The following UBP1 variants were observed in gnomAD, a reference collection of about 807,000 sequenced individuals.
UBP1 encodes upstream binding protein 1, also known as upstream-binding protein 1.
A neutral mutation model predicts 76.1 loss-of-function variants in UBP1; 22 were observed. The observed-to-expected ratio is 0.29, with a 90% confidence interval of 0.21 to 0.41. The LOEUF is 0.41. UBP1 is among the 10% of genes least tolerant of loss of function. UBP1 has a pLI of 1.00. For missense variants in UBP1, 436 were observed against 668.1 expected (o/e 0.65, Z 3.83); for synonymous variants, 224 against 237.1 (o/e 0.94, Z 0.51).
rs557630114 is a variant in UBP1, at chr3:33,407,828, T to C, written c.927+862A>G. 2.6e-5 allele frequency among the ~76,000 whole-genome samples: 4 copies of C among 152,354 alleles called. No individual in the cohort carries two copies. The South Asian group carries it at 6.2e-4, about 24-fold the overall frequency. ...ATACAGCAGTCACGAATACATATGA[T>C]GACAATTATTTTAAATGATTCTTTA... On this transcript the variant is annotated intron_variant, in intron 8 of 15. Coordinates refer to ENST00000283629, the MANE Select transcript of UBP1 (RefSeq NM_014517.5).
intron 3 of UBP1, among the ~76,000 whole-genome samples, chr3:33,413,456 A>G (rs1227255774): frequency 6.6e-6 from 1 of 151,472 alleles, no homozygotes; most frequent in African/African-American, 2.4e-5. Flanking sequence ...CTGAGGCAGA[A>G]GAATGGTGTG....
In UBP1 at chr3:33,431,932, T is replaced by C. The variant is rs530355126; in HGVS notation, c.114-6191A>G. On this transcript the variant is annotated intron_variant, in intron 1 of 15. Coordinates refer to ENST00000283629, the MANE Select transcript of UBP1 (RefSeq NM_014517.5). ...CTACAGAGCAGCAGGAAAGACATAC[T>C]TGACAGCCAAGGTCATGAACCAACC... 3.4e-4 allele frequency among the ~76,000 whole-genome samples: 51 copies of C among 152,234 alleles called. 2 individuals carry two copies. Among genetic ancestry groups the C allele is most frequent in the Admixed American group, 1.8e-3 (28 of 15,280 alleles).
intron 1 of UBP1, among the ~76,000 whole-genome samples, chr3:33,429,349 CTTTAT>C (rs2154059574): frequency 6.6e-6 from 1 of 151,550 alleles, no homozygotes; most frequent in East Asian, 1.9e-4. Context: ...TAGGGTGTTT[CTTTAT>C]TTTTTTTTTT....
At chr3:33,406,585 A>G (rs549402092) in intron 8 of UBP1, among the ~76,000 whole-genome samples, 17 of 152,368 alleles carry the variant, frequency 1.1e-4, no homozygotes, top group Non-Finnish European at 2.2e-4. Flanking sequence ...TTAGCATGGC[A>G]GAGTAATGTA....
rs1279645585 is a variant in UBP1 at position 33,392,959 on chromosome 3, T to TA, written c.1534-346dup. 12 of 315,240 alleles carry TA rather than the reference T, an allele frequency of 3.8e-5. No individual in the cohort carries two copies. In the East Asian group the frequency reaches 3.9e-4, roughly 10 times the overall value. 19.5% of individuals were successfully genotyped at this position (315,240 alleles called of 1,614,324 possible). A position where few individuals can be genotyped will look rare whatever the true frequency, so the allele number is the denominator to read the frequency against. On this transcript the variant is annotated intron_variant, in intron 14 of 15. Transcript: ENST00000283629. ...TCACTAGGGGAAAAATTATATATCT[T>TA]ACATGTTTTTTTAAATTAGTCATCA...
intron 1 of UBP1, 93 bp downstream of exon 1, chr3:33,439,643 C>A: frequency 7.0e-7 from 1 of 1,424,100 alleles, no homozygotes. Flanking sequence ...GGCCCGCGCA[C>A]CTCTGGGAGC....
intron 11 of UBP1, chr3:33,398,232 T>C (rs962621595): frequency 5.9e-5 from 9 of 152,226 alleles, no homozygotes; most frequent in African/African-American, 1.9e-4. Flanking sequence ...CACTTACATA[T>C]GTAGAAGATA....
chr3:33,425,667 G>C lies in UBP1; in HGVS notation c.188C>G (p.Pro63Arg), dbSNP rs144922879. ...LPLDGETEHP[P>R]FQYVMCAATS... ...TGCAGCACACATCACATACTGAAAG[G>C]GTGGGTGCTCTGTTTCACCATCCAA... is the stretch of plus-strand genomic sequence containing the variant. The change falls in exon 2 of 16, where the codon CCC becomes CGC. Residue 63 changes from proline (P) to arginine (R), a missense_variant. This residue lies in a region of UBP1 where 161 missense variants were observed against 237.9 expected (regional missense o/e 0.68). Coordinates refer to ENST00000283629, the MANE Select transcript of UBP1 (RefSeq NM_014517.5). The C allele has an allele frequency of 8.8e-4, 1,409 of 1,603,360 alleles. No individual in the cohort carries two copies. The highest frequency in any genetic ancestry group is 1.1e-3 in the Non-Finnish European group (1,252 of 1,171,856).
chr3:33,438,177 A>AT (rs1183705582), intron 1 of UBP1, among the ~76,000 whole-genome samples: 1 of 152,262 alleles, frequency 6.6e-6, no homozygotes, highest in Non-Finnish European at 1.5e-5. Context: ...AAGTTATTAC[A>AT]TTAATAAGTT....
chr3:33,389,531 A>G lies in UBP1; in HGVS notation c.*800T>C, dbSNP rs1489095995. ...AGGGAGAGAGGGAAGAAAATGAGAG[A>G]AAAACCACGAGTTTAAAAGGCAAGG... On this transcript the variant is annotated 3_prime_UTR_variant, in exon 16 of 16. Coordinates refer to ENST00000283629, the MANE Select transcript of UBP1 (RefSeq NM_014517.5). 6.6e-6 allele frequency: 1 copy of G among 152,154 alleles called. No individual in the cohort carries two copies. Among genetic ancestry groups the G allele is most frequent in the Non-Finnish European group, 1.5e-5 (1 of 68,028 alleles). The allele number at this position is 152,154 out of a possible 1,614,324, so 9.4% of individuals were successfully genotyped here.
At chr3:33,409,068 C>CT (rs1311976970) in intron 7 of UBP1, among the ~76,000 whole-genome samples, 168 bp downstream of exon 7, 2 of 152,186 alleles carry the variant, frequency 1.3e-5, no homozygotes, top group Non-Finnish European at 2.9e-5. Flanking sequence ...AGGAAACAGT[C>CT]TATCAAAATC....
rs61757567 is a variant in UBP1 at position 33,396,253 on chromosome 3, A to G, written c.1299T>C (p.Tyr433=). ...SRSVRPRLTI[Y]VCREQPSSTV... is the part of the protein sequence containing the mutation. Reference sequence around the variant, plus strand: ...TGCTGCTTGGCTGCTCCCGGCAGACATAGATGGTTAAACGGGGTCTAACCG... The same window carrying G: ...TGCTGCTTGGCTGCTCCCGGCAGACGTAGATGGTTAAACGGGGTCTAACCG... The change falls in exon 13 of 16, where the codon TAT becomes TAC. Residue 433 remains tyrosine (Y), a synonymous_variant. Coordinates refer to ENST00000283629, the MANE Select transcript of UBP1 (RefSeq NM_014517.5). 1,412 of 1,586,976 alleles carry G rather than the reference A, an allele frequency of 8.9e-4. 1 individual carries two copies. Among genetic ancestry groups the G allele is most frequent in the Non-Finnish European group, 1.1e-3 (1,241 of 1,158,304 alleles).
intron 2 of UBP1, among the ~76,000 whole-genome samples, chr3:33,424,267 C>G (rs1385572030): frequency 6.6e-6 from 1 of 152,178 alleles, no homozygotes; most frequent in African/African-American, 2.4e-5. Flanking sequence ...GGAATTGTCA[C>G]AAGTGCCAGA....
chr3:33,426,039 A>ATATATG lies in UBP1; in HGVS notation c.114-299_114-298insCATATA, dbSNP rs61119304. 1.9e-3 allele frequency among the ~76,000 whole-genome samples: 158 copies of ATATATG among 82,850 alleles called. 2 individuals carry two copies. The highest frequency in any genetic ancestry group is 7.0e-3 in the East Asian group (7 of 1,006). The allele number at this position is 82,850 out of a possible 152,430, so 54.4% of individuals were successfully genotyped here. Reference sequence around the variant, plus strand: ...TATATATATATATATATATATATATAGCACTTTAAAAACTTCTTTTAAAAC... The same window carrying ATATATG: ...TATATATATATATATATATATATATATATATGGCACTTTAAAAACTTCTTTTAAAAC... On this transcript the variant is annotated intron_variant, in intron 1 of 15. Transcript: ENST00000283629.
chr3:33,434,196 G>A (rs1575493051), intron 1 of UBP1, among the ~76,000 whole-genome samples: 2 of 147,504 alleles, frequency 1.4e-5, no homozygotes, highest in South Asian at 4.4e-4. Flanking sequence ...AAAATCTATA[G>A]ACAAACAATG....
At chr3:33,411,749 C>T in intron 4 of UBP1, 62 bp from the exon 5 acceptor site, 6 of 1,303,950 alleles carry the variant, frequency 4.6e-6, no homozygotes, top group Non-Finnish European at 6.7e-6. Context: ...AAACTTACAA[C>T]TTACTATATT....
At position 33,392,730 on chromosome 3, in the gene UBP1, GA is replaced by G. The variant is rs1559663443; in HGVS notation, c.1534-117del. The G allele has an allele frequency of 3.2e-6, 3 of 923,766 alleles. No homozygotes were observed. In the African/African-American group the frequency reaches 5.0e-5, roughly 15 times the overall value. 57.2% of individuals were successfully genotyped at this position (923,766 alleles called of 1,614,324 possible). On this transcript the variant is annotated intron_variant, in intron 14 of 15. Coordinates refer to ENST00000283629, the MANE Select transcript of UBP1 (RefSeq NM_014517.5). ...AAACACAGGACTCAATGGCCAAAAC[GA>G]TAATTCATGAAGGCAGTGTGAGGCA...
At position 33,423,948 on chromosome 3, in the gene UBP1, C is replaced by G. The variant is rs1223559628; in HGVS notation, c.265+1642G>C. ...ACAACCATGATAAATTATGGGCATT[C>G]CCCCAGGCCAATAAATGCACATCCT... is the stretch of plus-strand genomic sequence containing the variant. On this transcript the variant is annotated intron_variant, in intron 2 of 15. Coordinates refer to ENST00000283629, the MANE Select transcript of UBP1 (RefSeq NM_014517.5). Among the ~76,000 whole-genome samples, 4 of 152,308 alleles carry G rather than the reference C, an allele frequency of 2.6e-5. No homozygotes were observed. In the South Asian group the frequency reaches 8.3e-4, roughly 32 times the overall value.
chr3:33,398,808 A>T (rs1249200177), intron 11 of UBP1, among the ~76,000 whole-genome samples: 1 of 152,190 alleles, frequency 6.6e-6, no homozygotes, highest in Non-Finnish European at 1.5e-5. Flanking sequence ...CGCTTTTTCT[A>T]TGTGCTATGC....
Sources: allele counts gnomAD v4.1 joint callset (sites outside exome capture counted in the v4.1 genomes callset), GRCh38; gene constraint gnomAD v4.1.1; regional missense constraint gnomAD v4.1.1; transcripts MANE v1.5; gene names NCBI Gene and HGNC (gene_info 2026-07-23, HGNC 2026-07-21).